Variants in MACROD2 observed in about 807,000 individuals in gnomAD.
The protein encoded by MACROD2 is mono-ADP ribosylhydrolase 2, also known as ADP-ribose glycohydrolase MACROD2.
Under a neutral mutation model 70.4 loss-of-function variants are expected in MACROD2, and 36 were observed. The ratio of observed to expected loss-of-function variants is 0.51; its 90% CI spans 0.39 to 0.68. The LOEUF (loss-of-function observed/expected upper bound fraction) is 0.68. Ranked by LOEUF, MACROD2 falls within the 30% of genes least tolerant of loss-of-function variation. MACROD2 has a pLI of 0.00. For synonymous variants in MACROD2, 172 were observed against 178.8 expected (o/e 0.96, Z 0.30); for missense variants, 496 against 538.4 (o/e 0.92, Z 0.78).
intron 8 of MACROD2, among the ~76,000 whole-genome samples, chr20:15,514,656 T>A (rs2047543241): frequency 6.6e-6 from 1 of 152,178 alleles, no homozygotes; most frequent in African/African-American, 2.4e-5. Context: ...CATATATAAA[T>A]GAAAAATAAT....
intron 4 of MACROD2, among the ~76,000 whole-genome samples, chr20:14,546,924 C>G (rs2123248495): frequency 6.6e-6 from 1 of 151,734 alleles, no homozygotes; most frequent in East Asian, 1.9e-4. Flanking sequence ...TCTGTATTTT[C>G]TCTTTTTTTT....
intron 5 of MACROD2, among the ~76,000 whole-genome samples, chr20:14,787,932 C>A (rs1227920439): frequency 6.6e-6 from 1 of 152,058 alleles, no homozygotes; most frequent in Non-Finnish European, 1.5e-5. Flanking sequence ...TTTCTAAGAT[C>A]TCTTTACTAT....
At chr20:14,300,863 ATTG>A (rs1422480208) in intron 3 of MACROD2, among the ~76,000 whole-genome samples, 4 of 99,734 alleles carry the variant, frequency 4.0e-5, no homozygotes, top group Non-Finnish European at 8.6e-5. Context: ...GTGAGCCATC[ATTG>A]TCACATTAGA....
intron 5 of MACROD2, among the ~76,000 whole-genome samples, chr20:15,079,611 G>A (rs2075687234): frequency 6.6e-6 from 1 of 151,998 alleles, no homozygotes; most frequent in Non-Finnish European, 1.5e-5. Flanking sequence ...TCCCTGGCAT[G>A]GAGTTCACAA....
At chr20:14,009,448 A>G (rs1356978677) in intron 2 of MACROD2, among the ~76,000 whole-genome samples, 4 of 152,226 alleles carry the variant, frequency 2.6e-5, no homozygotes, top group Non-Finnish European at 4.4e-5. Flanking sequence ...CTGAATGGCT[A>G]TCATTAAAAA....
At chr20:15,673,621 G>C (rs1283387406) in intron 8 of MACROD2, among the ~76,000 whole-genome samples, 1 of 152,118 alleles carries the variant, frequency 6.6e-6, no homozygotes, top group Non-Finnish European at 1.5e-5. Context: ...CACATGTAAA[G>C]GGGAAAGGAA....
intron 5 of MACROD2, among the ~76,000 whole-genome samples, chr20:15,074,706 G>T (rs576024219): frequency 6.6e-6 from 1 of 152,090 alleles, no homozygotes; most frequent in Non-Finnish European, 1.5e-5. Flanking sequence ...TTGCTTGCTT[G>T]GTGTGGAATG....
At chr20:15,342,354 A>T (rs1262229324) in intron 6 of MACROD2, among the ~76,000 whole-genome samples, 1 of 152,178 alleles carries the variant, frequency 6.6e-6, no homozygotes, top group East Asian at 1.9e-4. Context: ...TCAGACTAGG[A>T]TCGGTCAACT....
chr20:14,572,439 C>A (rs1342875331), intron 4 of MACROD2, among the ~76,000 whole-genome samples: 1 of 151,868 alleles, frequency 6.6e-6, no homozygotes, highest in Non-Finnish European at 1.5e-5. Flanking sequence ...GGTGTATACT[C>A]AAGAAAAATA....
At chr20:15,770,565 C>T (rs1315341057) in intron 8 of MACROD2, among the ~76,000 whole-genome samples, 1 of 152,004 alleles carries the variant, frequency 6.6e-6, no homozygotes, top group Admixed American at 6.5e-5. Context: ...TCACAAACAG[C>T]GAGAAAGAGA....
chr20:14,702,613 GTATATATA>G (rs1197960969), intron 5 of MACROD2, among the ~76,000 whole-genome samples: 4 of 23,158 alleles, frequency 1.7e-4, no homozygotes, highest in Non-Finnish European at 3.1e-4. Context: ...ATATATATGT[GTATATATA>G]TATACATATA....
chr20:14,579,633 T>C (rs1762770663), intron 4 of MACROD2, among the ~76,000 whole-genome samples: 1 of 152,248 alleles, frequency 6.6e-6, no homozygotes, highest in Admixed American at 6.5e-5. Context: ...TATAAAGATG[T>C]AATTTGATTC....
intron 6 of MACROD2, among the ~76,000 whole-genome samples, chr20:15,288,227 G>A (rs1324420758): frequency 6.6e-6 from 1 of 152,116 alleles, no homozygotes; most frequent in African/African-American, 2.4e-5. Flanking sequence ...AGAACAAATC[G>A]CCCCAACAGG....
intron 5 of MACROD2, among the ~76,000 whole-genome samples, chr20:14,734,214 AG>A (rs2071630708): frequency 6.6e-6 from 1 of 152,124 alleles, no homozygotes; most frequent in African/African-American, 2.4e-5. Context: ...ATTAACAATA[AG>A]GGGCCGGGCG....
intron 13 of MACROD2, among the ~76,000 whole-genome samples, chr20:15,970,475 T>C (rs929670217): frequency 6.6e-6 from 1 of 151,722 alleles, no homozygotes; most frequent in African/African-American, 2.4e-5. Flanking sequence ...CCAATTAGTG[T>C]TGAAACTTTG....
Position 15,718,659 on chromosome 20 carries a change from G to A in MACROD2, c.646-144086G>A, listed in dbSNP as rs2050741055. ...CTTGAACGCCCAGAGGGAAGAGGTA[G>A]GAAGTACTGTTTTTCAGCTGTGATT... On this transcript the variant is annotated intron_variant, in intron 8 of 17. Transcript: ENST00000684519. Among the ~76,000 whole-genome samples, 3 of 152,174 alleles carry A rather than the reference G, an allele frequency of 2.0e-5. No homozygotes were observed. In the South Asian group the frequency reaches 6.2e-4, roughly 32 times the overall value.
At chr20:15,364,999 A>G (rs753495528) in intron 6 of MACROD2, among the ~76,000 whole-genome samples, 2 of 152,226 alleles carry the variant, frequency 1.3e-5, no homozygotes, top group Non-Finnish European at 2.9e-5. Flanking sequence ...CAGCTGTTTT[A>G]CTGTCAAAGG....
intron 6 of MACROD2, among the ~76,000 whole-genome samples, chr20:15,254,651 A>T (rs529513461): frequency 6.6e-6 from 1 of 152,324 alleles, no homozygotes; most frequent in East Asian, 1.9e-4. Context: ...CTGAGGGCAT[A>T]TCCTTCATTC....
At chr20:14,937,134 G>A (rs898028532) in intron 5 of MACROD2, among the ~76,000 whole-genome samples, 2 of 152,076 alleles carry the variant, frequency 1.3e-5, no homozygotes, top group East Asian at 1.9e-4. Context: ...TCAGGAGAGT[G>A]TGGAGGTTGT....
Sources: gnomAD v4.1 joint callset for allele counts (sites outside exome capture counted in the v4.1 genomes callset) on GRCh38, gnomAD v4.1.1 for gene constraint, MANE v1.5 for transcripts, NCBI Gene and HGNC (gene_info 2026-07-23, HGNC 2026-07-21) for gene names.